The following LCORL variants were observed in gnomAD, a reference collection of about 807,000 sequenced individuals.
The protein encoded by LCORL is ligand-dependent nuclear receptor corepressor-like protein.
In LCORL, 41 loss-of-function variants were observed where a neutral mutation model predicts 141.8. That is an observed-to-expected ratio of 0.29 (90% CI 0.23 to 0.38). LCORL has a LOEUF of 0.38. Ranked by LOEUF, LCORL falls within the 10% of genes least tolerant of loss-of-function variation. The probability of loss-of-function intolerance (pLI) is 1.00; values close to 1 mark genes in which losing one functional copy is unlikely to be tolerated. For synonymous variants in LCORL, 618 were observed against 694.1 expected (o/e 0.89, Z 1.72); for missense variants, 1,759 against 2,035.0 (o/e 0.86, Z 2.61).
intron 1 of LCORL, among the ~76,000 whole-genome samples, chr4:17,995,316 T>C (rs1475334038): frequency 6.6e-6 from 1 of 152,088 alleles, no homozygotes; most frequent in Non-Finnish European, 1.5e-5. Flanking sequence ...AAGGTGTTGC[T>C]ATTACAAGGT....
intron 7 of LCORL, among the ~76,000 whole-genome samples, chr4:17,853,682 G>T (rs992653464): frequency 2.8e-4 from 42 of 152,096 alleles, no homozygotes; most frequent in African/African-American, 8.9e-4. Context: ...CTTTCTTCTG[G>T]AATGGTGTCT....
At chr4:17,962,093 A>G (rs1713923244) in intron 3 of LCORL, 61 bp from the exon 4 acceptor site, 2 of 1,270,378 alleles carry the variant, frequency 1.6e-6, no homozygotes, top group Admixed American at 2.2e-5. Context: ...ATGGAATTCC[A>G]TTAAAAATGA....
chr4:17,866,682 C>T (rs1271887166), intron 7 of LCORL, among the ~76,000 whole-genome samples: 1 of 151,960 alleles, frequency 6.6e-6, no homozygotes, highest in Non-Finnish European at 1.5e-5. Context: ...CATTCAGACA[C>T]CTACCCTTGC....
At chr4:17,998,416 A>G (rs922831238) in intron 1 of LCORL, among the ~76,000 whole-genome samples, 3 of 152,036 alleles carry the variant, frequency 2.0e-5, no homozygotes, top group Non-Finnish European at 4.4e-5. Flanking sequence ...GTCTTATTCT[A>G]TAATTTTTTT....
At chr4:17,916,791 T>C (rs1396279829) in intron 4 of LCORL, among the ~76,000 whole-genome samples, 2 of 151,968 alleles carry the variant, frequency 1.3e-5, no homozygotes, top group African/African-American at 4.8e-5. Context: ...ATTACAGGCA[T>C]GTGCCACCAA....
chr4:17,970,735 T>G (rs1266466560), intron 2 of LCORL, among the ~76,000 whole-genome samples: 1 of 152,148 alleles, frequency 6.6e-6, no homozygotes, highest in Non-Finnish European at 1.5e-5. Context: ...TTTAAGATAA[T>G]CCACAAGTTC....
At chr4:17,977,820 A>C (rs1390410249) in intron 1 of LCORL, among the ~76,000 whole-genome samples, 1 of 152,162 alleles carries the variant, frequency 6.6e-6, no homozygotes, top group Non-Finnish European at 1.5e-5. Context: ...CTGCTCTAAC[A>C]ATCATTTTCT....
At chr4:18,009,239 T>C (rs1343511671) in intron 1 of LCORL, among the ~76,000 whole-genome samples, 1 of 152,068 alleles carries the variant, frequency 6.6e-6, no homozygotes, top group African/African-American at 2.4e-5. Context: ...GTAAATCCCT[T>C]CTCAGACAAT....
chr4:17,949,647 C>T (rs1739413862), intron 4 of LCORL, among the ~76,000 whole-genome samples: 2 of 152,138 alleles, frequency 1.3e-5, no homozygotes, highest in South Asian at 4.1e-4. Flanking sequence ...GGAAACAATA[C>T]ACTTTCTTCT....
chr4:17,876,734 T>A (rs557238121), exon 7 of LCORL: 5 of 1,230,870 alleles, frequency 4.1e-6, no homozygotes, highest in Admixed American at 4.2e-5. Flanking sequence ...TACCTAACTT[T>A]GGATTTTTCC....
chr4:17,877,199 A>T, exon 7 of LCORL: 1 of 1,230,272 alleles, frequency 8.1e-7, no homozygotes, highest in Non-Finnish European at 1.0e-6. Flanking sequence ...GAATAATTTT[A>T]TTTTCTACCT....
At chr4:17,874,366 T>C (rs1726696362) in exon 7 of LCORL, 7 of 1,233,950 alleles carry the variant, frequency 5.7e-6, no homozygotes, top group Non-Finnish European at 7.1e-6. Flanking sequence ...GAATATTTGG[T>C]CCCTAATTTG....
At chr4:17,981,507 A>G (rs892204120) in intron 1 of LCORL, among the ~76,000 whole-genome samples, 8 of 152,154 alleles carry the variant, frequency 5.3e-5, no homozygotes, top group Non-Finnish European at 7.3e-5. Context: ...CTGTAATCCC[A>G]GCACTTTGGG....
intron 7 of LCORL, among the ~76,000 whole-genome samples, chr4:17,852,650 T>C (rs139345844): frequency 6.6e-6 from 1 of 152,148 alleles, no homozygotes; most frequent in Non-Finnish European, 1.5e-5. Context: ...AATGGTTACG[T>C]AGGCATCTAA....
At chr4:17,955,656 T>C (rs140135716) in intron 4 of LCORL, among the ~76,000 whole-genome samples, 1,658 of 152,198 alleles carry the variant, frequency 0.011, 20 homozygotes, top group South Asian at 0.017. Context: ...GGAAATCGAC[T>C]AAATAAAGGA....
intron 6 of LCORL, chr4:17,881,358 AGG>A: frequency 1.0e-6 from 1 of 981,772 alleles, no homozygotes; most frequent in Non-Finnish European, 1.2e-6. Context: ...ACTGGGGAGA[AGG>A]GGAATTTCCC....
intron 7 of LCORL, among the ~76,000 whole-genome samples, chr4:17,849,359 G>A (rs1356828697): frequency 5.9e-5 from 9 of 152,140 alleles, no homozygotes; most frequent in East Asian, 1.9e-4. Context: ...AGCAGCATTC[G>A]CGGTTCACGA....
chr4:17,954,602 T>A (rs754930222), intron 4 of LCORL, among the ~76,000 whole-genome samples: 1 of 151,950 alleles, frequency 6.6e-6, no homozygotes, highest in African/African-American at 2.4e-5. Flanking sequence ...GGGGGAGAAG[T>A]AGAAACAAAA....
intron 1 of LCORL, among the ~76,000 whole-genome samples, chr4:18,004,124 C>T (rs1403328616): frequency 6.6e-6 from 1 of 152,218 alleles, no homozygotes; most frequent in African/African-American, 2.4e-5. Context: ...CATATCCTTG[C>T]AATGACTGGC....
Sources: gnomAD v4.1 joint callset for allele counts (sites outside exome capture counted in the v4.1 genomes callset) on GRCh38, gnomAD v4.1.1 for gene constraint, MANE v1.5 for transcripts, NCBI Gene and HGNC (gene_info 2026-07-23, HGNC 2026-07-21) for gene names.